The following JARID2 variants were observed in gnomAD, a reference collection of about 807,000 sequenced individuals.
JARID2 encodes protein Jumonji.
In JARID2, 21 loss-of-function variants were observed where a neutral mutation model predicts 125.6. The observed-to-expected ratio is 0.17, with a 90% CI of 0.12 to 0.24. The LOEUF is 0.24. Among genes scored for constraint, JARID2 ranks in the 10% least tolerant of loss-of-function variants. JARID2 has a pLI of 1.00. For missense variants in JARID2, 1,303 were observed against 1,639.6 expected (o/e 0.79, Z 3.55); for synonymous variants, 736 against 661.6 (o/e 1.11, Z -1.73).
At chr6:15,333,475 C>T (rs1762783750) in intron 1 of JARID2, among the ~76,000 whole-genome samples, 1 of 152,144 alleles carries the variant, frequency 6.6e-6, no homozygotes, top group East Asian at 1.9e-4. Context: ...ACGTGTATGG[C>T]GTCTTTCACT....
rs1374498177 is a variant in JARID2 at position 15,378,489 on chromosome 6, ACT to A, written c.181+4239_181+4240del. ...GTGACATGCCTCTGAGAGCCCTGGCACTCAGAGACTCTCAGAGATCTGTAAAC... is the reference window on the plus strand; with the variant it reads ...GTGACATGCCTCTGAGAGCCCTGGCACAGAGACTCTCAGAGATCTGTAAAC... On this transcript the variant is annotated intron_variant, in intron 2 of 17. Coordinates refer to ENST00000341776, the MANE Select transcript of JARID2 (RefSeq NM_004973.4). 2.0e-5 allele frequency among the ~76,000 whole-genome samples: 3 copies of A among 151,986 alleles called. No individual in the cohort carries two copies. The East Asian group carries it at 5.8e-4, about 30-fold the overall frequency.
chr6:15,301,941 T>C (rs794783), intron 1 of JARID2, among the ~76,000 whole-genome samples: 19,179 of 152,234 alleles, frequency 0.13, 1,229 homozygotes, highest in Non-Finnish European at 0.13. Context: ...TTGGTATGTG[T>C]TTTTGGTCAT....
At chr6:15,439,297 G>A (rs974262311) in intron 3 of JARID2, among the ~76,000 whole-genome samples, 2 of 152,128 alleles carry the variant, frequency 1.3e-5, no homozygotes, top group African/African-American at 4.8e-5. Flanking sequence ...CTGTTGCATG[G>A]ATCTCTATCC....
chr6:15,294,874 G>A (rs1210411832), intron 1 of JARID2, among the ~76,000 whole-genome samples: 2 of 152,190 alleles, frequency 1.3e-5, no homozygotes, highest in Admixed American at 6.5e-5. Context: ...GGGAACTTGG[G>A]ACAGAGCAGG....
At position 15,267,304 on chromosome 6, in the gene JARID2, G is replaced by C. The variant is rs1760122975; in HGVS notation, c.45+20720G>C. 2.0e-5 allele frequency among the ~76,000 whole-genome samples: 3 copies of C among 152,162 alleles called. No individual in the cohort carries two copies. The South Asian group carries it at 6.2e-4, about 32-fold the overall frequency. On this transcript the variant is annotated intron_variant, in intron 1 of 17. Transcript: ENST00000341776. ...TTATCAGTATCTGACATAAGACAGA[G>C]TGAGGCCTTTCCTTTTATCTACATA... is the stretch of plus-strand genomic sequence containing the variant.
intron 3 of JARID2, among the ~76,000 whole-genome samples, chr6:15,448,533 A>C (rs1319490202): frequency 6.6e-6 from 1 of 152,230 alleles, no homozygotes; most frequent in Non-Finnish European, 1.5e-5. Flanking sequence ...TGCAATACTC[A>C]GAGTGCGATT....
intron 5 of JARID2, among the ~76,000 whole-genome samples, chr6:15,477,388 G>A (rs751091019): frequency 5.3e-5 from 8 of 151,368 alleles, no homozygotes; most frequent in Non-Finnish European, 7.4e-5. Flanking sequence ...CCGCCTCCCC[G>A]CCCCCGAGAG....
chr6:15,266,962 C>T (rs1195705420), intron 1 of JARID2, among the ~76,000 whole-genome samples: 4 of 152,194 alleles, frequency 2.6e-5, no homozygotes, highest in Non-Finnish European at 5.9e-5. Context: ...GTGGGGTGCA[C>T]GTGCGTCCCT....
rs192932708 is a variant in JARID2 at position 15,489,375 on chromosome 6, C to T, written c.906+1833C>T. Among the ~76,000 whole-genome samples the T allele has an allele frequency of 3.3e-5, 5 of 152,298 alleles. No homozygotes were observed. In the East Asian group the frequency reaches 9.6e-4, roughly 29 times the overall value. On this transcript the variant is annotated intron_variant, in intron 6 of 17. Transcript: ENST00000341776. ...GGCAGGAATGAAGGGTGGCAGAGGA[C>T]CTGAGTCATGTACATGTGACTGTTC...
At chr6:15,493,477 C>T (rs773393770) in intron 6 of JARID2, among the ~76,000 whole-genome samples, 11 of 152,146 alleles carry the variant, frequency 7.2e-5, no homozygotes, top group African/African-American at 1.4e-4. Context: ...TAGCGATATA[C>T]GAAGCCGCAC....
intron 1 of JARID2, among the ~76,000 whole-genome samples, chr6:15,318,919 C>A (rs1561789762): frequency 6.6e-6 from 1 of 152,182 alleles, no homozygotes; most frequent in African/African-American, 2.4e-5. Context: ...GCTGTGAATC[C>A]CAGTGGCAAA....
At chr6:15,444,112 A>G (rs547547718) in intron 3 of JARID2, among the ~76,000 whole-genome samples, 36 of 152,322 alleles carry the variant, frequency 2.4e-4, no homozygotes, top group African/African-American at 8.7e-4. Flanking sequence ...GTGGACCACT[A>G]GGGCTCCATC....
chr6:15,494,413 C>CT (rs60218567), intron 6 of JARID2, among the ~76,000 whole-genome samples: 3,958 of 80,416 alleles, frequency 0.049, 343 homozygotes, highest in Middle Eastern at 0.092. Context: ...TTTGGCAAGT[C>CT]TTTTTTTTTT....
chr6:15,499,322 G>A (rs1055292782), intron 7 of JARID2, among the ~76,000 whole-genome samples: 1 of 152,194 alleles, frequency 6.6e-6, no homozygotes, highest in Non-Finnish European at 1.5e-5. Context: ...TGCCGCTGGC[G>A]GGAGTTGGGT....
intron 2 of JARID2, among the ~76,000 whole-genome samples, chr6:15,403,660 G>A (rs918911617): frequency 5.9e-5 from 9 of 152,174 alleles, no homozygotes; most frequent in Non-Finnish European, 1.2e-4. Context: ...TGAACACTGT[G>A]TCAGGTCTTA....
At chr6:15,468,765 G>A (rs1201593635) in intron 5 of JARID2, 47 bp downstream of exon 5, 12 of 1,561,252 alleles carry the variant, frequency 7.7e-6, no homozygotes, top group South Asian at 2.4e-5. Context: ...AAAGCTTTGG[G>A]TGAGAGCTGG....
chr6:15,327,586 C>T (rs760826203), intron 1 of JARID2, among the ~76,000 whole-genome samples: 2 of 151,908 alleles, frequency 1.3e-5, no homozygotes, highest in Admixed American at 6.6e-5. Flanking sequence ...CGTGCATCCC[C>T]GCATGCTGCC....
chr6:15,367,479 A>G (rs1313184798), intron 1 of JARID2, among the ~76,000 whole-genome samples: 3 of 152,212 alleles, frequency 2.0e-5, no homozygotes, highest in Non-Finnish European at 4.4e-5. Flanking sequence ...CTGCAAACCA[A>G]TAATTTTAAT....
At chr6:15,332,935 CTTTTTTTTTTTTTT>C (rs33921682) in intron 1 of JARID2, among the ~76,000 whole-genome samples, 53 of 42,164 alleles carry the variant, frequency 1.3e-3, no homozygotes, top group African/African-American at 4.1e-3. Flanking sequence ...CTTTTCTTTT[CTTTTTTTTTTTTTT>C]TTTTTTTTTG....
Sources: gnomAD v4.1 joint callset for allele counts (sites outside exome capture counted in the v4.1 genomes callset) on GRCh38, gnomAD v4.1.1 for gene constraint, MANE v1.5 for transcripts, NCBI Gene and HGNC (gene_info 2026-07-23, HGNC 2026-07-21) for gene names.